Variants in LRRTM4 observed in about 807,000 individuals in gnomAD.
LRRTM4 encodes the protein leucine rich repeat transmembrane neuronal 4, also known as leucine-rich repeat transmembrane neuronal protein 4.
In LRRTM4, 25 loss-of-function variants were observed where a neutral mutation model predicts 47.6. That is an observed-to-expected ratio of 0.53 (90% confidence interval 0.38 to 0.73). The LOEUF (loss-of-function observed/expected upper bound fraction) is 0.73. LRRTM4 is among the 30% of genes least tolerant of loss of function. LRRTM4 has a pLI of 0.00. For missense variants in LRRTM4, 638 were observed against 713.4 expected, an observed-to-expected ratio of 0.89 and a Z score of 1.20; for synonymous variants, 311 against 269.5, an observed-to-expected ratio of 1.15 and a Z score of -1.51.
intron 3 of LRRTM4, among the ~76,000 whole-genome samples, chr2:77,224,620 A>G (rs907469990): frequency 3.3e-5 from 5 of 152,260 alleles, no homozygotes; most frequent in East Asian, 1.9e-4. Context: ...AATGCTCATC[A>G]TCACTGGCGG....
At chr2:77,378,661 C>T (rs1003229580) in intron 3 of LRRTM4, among the ~76,000 whole-genome samples, 1 of 152,096 alleles carries the variant, frequency 6.6e-6, no homozygotes, top group Non-Finnish European at 1.5e-5. Context: ...GTAACTTCAC[C>T]TTATGTCCTC....
At chr2:77,406,228 T>C (rs924590985) in intron 3 of LRRTM4, among the ~76,000 whole-genome samples, 29 of 152,220 alleles carry the variant, frequency 1.9e-4, no homozygotes, top group African/African-American at 6.3e-4. Flanking sequence ...TCTGGACAAA[T>C]AATCAAATTG....
At chr2:77,028,510 T>C (rs1335169420) in intron 3 of LRRTM4, among the ~76,000 whole-genome samples, 1 of 152,066 alleles carries the variant, frequency 6.6e-6, no homozygotes, top group East Asian at 1.9e-4. Flanking sequence ...AACTGGATTA[T>C]GTGGGATGAG....
chr2:77,400,960 G>T (rs561118908), intron 3 of LRRTM4, among the ~76,000 whole-genome samples: 2 of 151,994 alleles, frequency 1.3e-5, no homozygotes, highest in Non-Finnish European at 1.5e-5. Flanking sequence ...AAACTTCAGC[G>T]TCTATAAGTA....
At chr2:77,004,674 C>A (rs6743454) in intron 3 of LRRTM4, among the ~76,000 whole-genome samples, 62,817 of 151,834 alleles carry the variant, frequency 0.41, 13,124 homozygotes, top group East Asian at 0.52. Flanking sequence ...TCCTCCAGAC[C>A]CTAGAATGGT....
Position 76,777,247 on chromosome 2 carries a change from T to C in LRRTM4, c.1552-28331A>G, listed in dbSNP as rs28844901. 9.8e-3 allele frequency among the ~76,000 whole-genome samples: 1,465 copies of C among 149,858 alleles called. 56 individuals are homozygous for C. The highest frequency in any genetic ancestry group is 0.034 in the African/African-American group (1,390 of 40,702). ...GGATTGACTTGGCCATGCGGGCTCT[T>C]TTTTGGTTCCATATGAACTTTAAAG... On this transcript the variant is annotated intron_variant, in intron 3 of 3. Transcript: ENST00000409884.
At chr2:77,232,403 T>C (rs1674989432) in intron 3 of LRRTM4, among the ~76,000 whole-genome samples, 1 of 152,214 alleles carries the variant, frequency 6.6e-6, no homozygotes, top group Non-Finnish European at 1.5e-5. Flanking sequence ...TCTTGAAAAG[T>C]GTGACGTCCA....
chr2:76,948,652 A>T (rs536727963), intron 3 of LRRTM4, among the ~76,000 whole-genome samples: 1 of 151,956 alleles, frequency 6.6e-6, no homozygotes, highest in East Asian at 1.9e-4. Context: ...CCTATGGAAT[A>T]ATATATTGCT....
chr2:77,360,246 A>G (rs914355842), intron 3 of LRRTM4, among the ~76,000 whole-genome samples: 13 of 152,108 alleles, frequency 8.5e-5, no homozygotes, highest in African/African-American at 3.1e-4. Context: ...TCACGAGGTC[A>G]GGAGACAGAG....
At chr2:77,088,063 T>C (rs1056166589) in intron 3 of LRRTM4, among the ~76,000 whole-genome samples, 1 of 152,196 alleles carries the variant, frequency 6.6e-6, no homozygotes, top group Non-Finnish European at 1.5e-5. Context: ...AATGTGTCAC[T>C]GAGCTAGCTA....
intron 3 of LRRTM4, among the ~76,000 whole-genome samples, chr2:77,172,431 G>A (rs1027759546): frequency 6.6e-6 from 1 of 151,754 alleles, no homozygotes; most frequent in Non-Finnish European, 1.5e-5. Context: ...CCCGTCTCTA[G>A]TAAAAATACA....
At chr2:77,079,512 T>C (rs1299386179) in intron 3 of LRRTM4, among the ~76,000 whole-genome samples, 2 of 152,170 alleles carry the variant, frequency 1.3e-5, no homozygotes, top group Non-Finnish European at 2.9e-5. Flanking sequence ...TCTTAAAACA[T>C]GAGATTTTTG....
chr2:76,875,570 G>A (rs891301783), intron 3 of LRRTM4, among the ~76,000 whole-genome samples: 6 of 152,134 alleles, frequency 3.9e-5, no homozygotes, highest in Non-Finnish European at 8.8e-5. Flanking sequence ...TGCCATTGCA[G>A]AGAGTGGGGA....
chr2:77,043,267 T>A (rs752117243), intron 3 of LRRTM4, among the ~76,000 whole-genome samples: 3 of 151,814 alleles, frequency 2.0e-5, no homozygotes, highest in Non-Finnish European at 4.4e-5. Context: ...AGTTTGGAGT[T>A]AATGTTCCAC....
chr2:76,930,788 TG>T (rs1412619673), intron 3 of LRRTM4, among the ~76,000 whole-genome samples: 2 of 152,082 alleles, frequency 1.3e-5, no homozygotes, highest in Non-Finnish European at 2.9e-5. Flanking sequence ...TAATGATAAA[TG>T]GTTATTAAAA....
intron 3 of LRRTM4, among the ~76,000 whole-genome samples, chr2:76,957,757 A>G (rs1165391321): frequency 6.6e-6 from 1 of 151,666 alleles, no homozygotes; most frequent in African/African-American, 2.4e-5. Context: ...AAAAGCTTGA[A>G]TATAAGAAGA....
rs1212807971 is a variant in LRRTM4, at chr2:76,907,407, A to G, written c.1552-158491T>C. On this transcript the variant is annotated intron_variant, in intron 3 of 3. Transcript: ENST00000409884. Reference sequence around the variant, plus strand: ...AAAAAGCAGGAAAGATCCAAAATTGACACCCTAACATCACAATTAAAAGAA... The same window carrying G: ...AAAAAGCAGGAAAGATCCAAAATTGGCACCCTAACATCACAATTAAAAGAA... Among the ~76,000 whole-genome samples, 207 of 150,900 alleles carry G rather than the reference A, an allele frequency of 1.4e-3. 1 individual carries two copies. The highest frequency in any genetic ancestry group is 2.2e-3 in the Non-Finnish European group (152 of 67,824).
chr2:76,780,511 A>G (rs886596084), intron 3 of LRRTM4, among the ~76,000 whole-genome samples: 1 of 151,740 alleles, frequency 6.6e-6, no homozygotes, highest in Non-Finnish European at 1.5e-5. Context: ...CATTCATTTC[A>G]TCTTCCATTG....
chr2:77,122,688 A>C (rs1049216871), intron 3 of LRRTM4, among the ~76,000 whole-genome samples: 11 of 151,628 alleles, frequency 7.3e-5, no homozygotes, highest in African/African-American at 2.7e-4. Context: ...ATTCACCATA[A>C]ATTTTTTTCC....
Sources: gnomAD v4.1 joint callset for allele counts (sites outside exome capture counted in the v4.1 genomes callset) on GRCh38, gnomAD v4.1.1 for gene constraint, MANE v1.5 for transcripts, NCBI Gene and HGNC (gene_info 2026-07-23, HGNC 2026-07-21) for gene names.